Variants in VAC14 observed in about 807,000 individuals in gnomAD.
VAC14 encodes VAC14 component of PIKFYVE complex, also known as protein VAC14 homolog.
A neutral mutation model predicts 85.3 loss-of-function variants in VAC14; 47 were observed. That is an observed-to-expected ratio of 0.55 (90% CI 0.44 to 0.70). The LOEUF (loss-of-function observed/expected upper bound fraction) is 0.70, where lower values mean the gene tolerates loss of function less well. Among genes scored for constraint, VAC14 ranks in the 30% least tolerant of loss-of-function variants. The probability of loss-of-function intolerance (pLI) is 0.00; values close to 1 mark genes in which losing one functional copy is unlikely to be tolerated. For synonymous variants in VAC14, 447 were observed against 430.5 expected (o/e 1.04, Z -0.47); for missense variants, 861 against 1,004.3 (o/e 0.86, Z 1.93).
At chr16:70,688,324 C>T in intron 18 of VAC14, 1 of 1,185,234 alleles carries the variant, frequency 8.4e-7, no homozygotes, top group Non-Finnish European at 1.0e-6. Flanking sequence ...GGCTATTGCC[C>T]TCGGCCTGTG....
At chr16:70,788,210 G>A (rs941584463) in intron 1 of VAC14, among the ~76,000 whole-genome samples, 5 of 152,190 alleles carry the variant, frequency 3.3e-5, no homozygotes, top group Non-Finnish European at 7.3e-5. Context: ...TAAAACCAAC[G>A]GTGCTGTCCT....
chr16:70,745,524 TGTGC>T lies in VAC14; in HGVS notation c.1372-949_1372-946del, dbSNP rs1567560983. Among the ~76,000 whole-genome samples the T allele has an allele frequency of 5.4e-4, 76 of 139,796 alleles. 1 individual carries two copies. The highest frequency in any genetic ancestry group is 7.5e-3 in the Middle Eastern group (2 of 266). The allele number at this position is 139,796 out of a possible 152,430, so 91.7% of individuals were successfully genotyped here. On this transcript the variant is annotated intron_variant, in intron 12 of 18. Transcript: ENST00000261776. ...GTGTGTGTGTGTGTGTGTGTGCGCGTGTGCGCGCGTGTGCCTGTGTGCATGCACC... is the reference window on the plus strand; with the variant it reads ...GTGTGTGTGTGTGTGTGTGTGCGCGTGCGCGTGTGCCTGTGTGCATGCACC...
Position 70,801,002 on chromosome 16 carries a change from C to A in VAC14, c.-102G>T. ...CTCCGCTCTGCCCCCGGCGCCGGCG[C>A]ATGGACCACGCCGCTCTAGGCTTGC... On this transcript the variant is annotated 5_prime_UTR_variant, in exon 1 of 19. It removes an upstream start codon present in the reference 5' UTR. Coordinates refer to ENST00000261776, the MANE Select transcript of VAC14 (RefSeq NM_018052.5). 1 of 734,754 alleles carries A rather than the reference C, an allele frequency of 1.4e-6. No homozygotes were observed. The highest frequency in any genetic ancestry group is 2.2e-5 in the South Asian group (1 of 44,968). 45.5% of individuals were successfully genotyped at this position (734,754 alleles called of 1,614,324 possible).
At chr16:70,689,470 T>G in intron 18 of VAC14, 1 of 930,874 alleles carries the variant, frequency 1.1e-6, no homozygotes, top group Middle Eastern at 5.5e-4. Context: ...GACAGTTGCT[T>G]CAGGTGGCCA....
chr16:70,696,701 G>A (rs904173581), intron 16 of VAC14, among the ~76,000 whole-genome samples: 6 of 152,098 alleles, frequency 3.9e-5, no homozygotes, highest in African/African-American at 1.4e-4. Flanking sequence ...GGCTCACCCA[G>A]CCATCCACCC....
chr16:70,762,433 T>C lies in VAC14; in HGVS notation c.1371+107A>G. ...CCAAAGTGAGTATTAAACACAGCTTTACCTCTAGGAAGGATGCACTGTACC... is the reference window on the plus strand; with the variant it reads ...CCAAAGTGAGTATTAAACACAGCTTCACCTCTAGGAAGGATGCACTGTACC... On this transcript the variant is annotated intron_variant, in intron 12 of 18. Transcript: ENST00000261776. This position sits in a 1 kb window ranked among gnomAD's most constrained non-coding sequence, Gnocchi z 4.1. The C allele has an allele frequency of 8.6e-7, 1 of 1,164,358 alleles. No individual in the cohort carries two copies. 72.1% of individuals were successfully genotyped at this position (1,164,358 alleles called of 1,614,324 possible).
chr16:70,756,983 G>A (rs931656265), intron 12 of VAC14, among the ~76,000 whole-genome samples: 1 of 151,742 alleles, frequency 6.6e-6, no homozygotes, highest in Non-Finnish European at 1.5e-5. Flanking sequence ...TTTCCAGAAA[G>A]GTGGTTCTCA....
chr16:70,780,878 G>A lies in VAC14; in HGVS notation c.1008C>T (p.Asp336=), dbSNP rs747778595. The change falls in exon 9 of 19, where the codon GAC becomes GAT. Residue 336 remains aspartate, a synonymous_variant. Transcript: ENST00000261776. ...QSLMKLVTPE[D]DELDELRPGQ... ...CAGGTCTCAGCTCATCCAGCTCGTC[G>A]TCCTCGGGGGTGACCAGCTTCATCA... 1.4e-5 allele frequency: 23 copies of A among 1,614,046 alleles called. No homozygotes were observed. The highest frequency in any genetic ancestry group is 1.6e-4 in the Middle Eastern group (1 of 6,084).
chr16:70,789,489 C>T (rs1381823514), intron 1 of VAC14, among the ~76,000 whole-genome samples: 1 of 152,230 alleles, frequency 6.6e-6, no homozygotes, highest in Non-Finnish European at 1.5e-5. Flanking sequence ...GGTGCGCACA[C>T]AGCTGCTCAC....
intron 9 of VAC14, 135 bp downstream of exon 9, chr16:70,780,655 T>C: frequency 8.6e-7 from 1 of 1,161,208 alleles, no homozygotes; most frequent in Non-Finnish European, 1.2e-6. Context: ...CTGCGCTGGG[T>C]TGCTGCTACA....
intron 18 of VAC14, chr16:70,689,529 G>A (rs2053560023): frequency 1.4e-5 from 14 of 985,552 alleles, no homozygotes; most frequent in Non-Finnish European, 1.7e-5. Flanking sequence ...CCACAGTTGA[G>A]ATGCCATCTG....
At chr16:70,789,002 T>C (rs987438002) in intron 1 of VAC14, among the ~76,000 whole-genome samples, 17 of 152,236 alleles carry the variant, frequency 1.1e-4, no homozygotes, top group Middle Eastern at 3.2e-3. Context: ...GGGACTCCTG[T>C]TGTGCTGTCC....
chr16:70,798,145 T>C (rs1191235187), intron 1 of VAC14, among the ~76,000 whole-genome samples: 1 of 152,198 alleles, frequency 6.6e-6, no homozygotes, highest in Admixed American at 6.5e-5. Context: ...CAGGGTCACC[T>C]AGCCAGTAAA....
At chr16:70,732,959 C>T (rs2054635976) in intron 13 of VAC14, among the ~76,000 whole-genome samples, 1 of 152,146 alleles carries the variant, frequency 6.6e-6, no homozygotes, top group African/African-American at 2.4e-5. Flanking sequence ...CAAGGCAGGA[C>T]ATCTTTAAAA....
At chr16:70,729,549 C>T (rs1040000712) in intron 14 of VAC14, among the ~76,000 whole-genome samples, 5 of 152,088 alleles carry the variant, frequency 3.3e-5, no homozygotes, top group African/African-American at 1.2e-4. Context: ...TGCAGCGGCT[C>T]GCAGCAGACC....
Position 70,777,793 on chromosome 16 carries a change from G to A in VAC14, c.1096+2997C>T, listed in dbSNP as rs150624856. 1.5e-4 allele frequency among the ~76,000 whole-genome samples: 23 copies of A among 152,372 alleles called. No individual in the cohort carries two copies. In the South Asian group the frequency reaches 4.6e-3, roughly 30 times the overall value. ...TGGTGCTGTCGGCGGATCAGCACAAGTAAACAAAGAAGGCCAGGCATGAGG... is the reference window on the plus strand; with the variant it reads ...TGGTGCTGTCGGCGGATCAGCACAAATAAACAAAGAAGGCCAGGCATGAGG... On this transcript the variant is annotated intron_variant, in intron 9 of 18. Coordinates refer to ENST00000261776, the MANE Select transcript of VAC14 (RefSeq NM_018052.5).
At chr16:70,717,455 A>C (rs2054191076) in intron 14 of VAC14, among the ~76,000 whole-genome samples, 1 of 152,178 alleles carries the variant, frequency 6.6e-6, no homozygotes, top group African/African-American at 2.4e-5. Flanking sequence ...TTTTTTAAAA[A>C]AGTATAGAAT....
At chr16:70,760,756 G>A (rs1267020269) in intron 12 of VAC14, among the ~76,000 whole-genome samples, 1 of 152,162 alleles carries the variant, frequency 6.6e-6, no homozygotes, top group Non-Finnish European at 1.5e-5. Context: ...AAAGCTGGAT[G>A]GGATTAAACA....
At chr16:70,710,933 C>T (rs756261373) in intron 14 of VAC14, among the ~76,000 whole-genome samples, 8 of 152,372 alleles carry the variant, frequency 5.3e-5, no homozygotes, top group East Asian at 3.9e-4. Flanking sequence ...GGACCTCCTG[C>T]GCTCTGAAGG....
Sources: gnomAD v4.1 joint callset for allele counts (sites outside exome capture counted in the v4.1 genomes callset) on GRCh38, gnomAD v4.1.1 for gene constraint, Gnocchi (gnomAD v3.1) non-coding constraint, MANE v1.5 for transcripts, NCBI Gene and HGNC (gene_info 2026-07-23, HGNC 2026-07-21) for gene names.